The following RB1CC1 variants were observed in gnomAD, a reference collection of about 807,000 sequenced individuals.
RB1CC1 encodes the protein RB1-inducible coiled-coil protein 1.
A neutral mutation model predicts 177.5 loss-of-function variants in RB1CC1; 46 were observed. The ratio of observed to expected loss-of-function variants is 0.26; its 90% CI spans 0.20 to 0.33. The LOEUF (loss-of-function observed/expected upper bound fraction) is 0.33. RB1CC1 is among the 10% of genes least tolerant of loss of function. The probability of loss-of-function intolerance (pLI) is 1.00; values close to 1 mark genes in which losing one functional copy is unlikely to be tolerated. For missense variants in RB1CC1, 1,703 were observed against 1,816.3 expected, an observed-to-expected ratio of 0.94 and a Z score of 1.13; for synonymous variants, 666 against 613.6, an observed-to-expected ratio of 1.09 and a Z score of -1.26.
intron 1 of RB1CC1, among the ~76,000 whole-genome samples, chr8:52,694,891 T>C (rs1381026596): frequency 6.6e-6 from 1 of 152,194 alleles, no homozygotes; most frequent in Non-Finnish European, 1.5e-5. Flanking sequence ...CTGCCACCCA[T>C]CATTTAATTC....
At chr8:52,662,796 T>TC (rs1346392989) in intron 8 of RB1CC1, among the ~76,000 whole-genome samples, 4 of 152,072 alleles carry the variant, frequency 2.6e-5, no homozygotes, top group Admixed American at 6.5e-5. Context: ...GCCTTTTTTT[T>TC]CCCTTTCAAT....
intron 12 of RB1CC1, 112 bp from the exon 13 acceptor site, chr8:52,659,088 G>A: frequency 2.0e-6 from 1 of 491,092 alleles, no homozygotes. Flanking sequence ...AAACTAAAGT[G>A]CTTTAAATGA....
At chr8:52,696,365 T>C (rs889109715) in intron 1 of RB1CC1, among the ~76,000 whole-genome samples, 5 of 152,156 alleles carry the variant, frequency 3.3e-5, no homozygotes, top group African/African-American at 4.8e-5. Flanking sequence ...AGAAAGAACC[T>C]TTGGAGAAGT....
chr8:52,669,027 T>C (rs955743110), intron 7 of RB1CC1, among the ~76,000 whole-genome samples: 4 of 152,228 alleles, frequency 2.6e-5, no homozygotes, highest in African/African-American at 7.2e-5. Context: ...CAGCATTAAG[T>C]ATAACTTTTC....
intron 1 of RB1CC1, among the ~76,000 whole-genome samples, chr8:52,687,949 A>C (rs575990428): frequency 6.6e-6 from 1 of 152,260 alleles, no homozygotes; most frequent in Non-Finnish European, 1.5e-5. Context: ...CAGAGCGACC[A>C]GCTGGAGCCA....
chr8:52,648,573 T>G (rs1444284377), intron 15 of RB1CC1, among the ~76,000 whole-genome samples: 1 of 152,122 alleles, frequency 6.6e-6, no homozygotes, highest in Admixed American at 6.5e-5. Flanking sequence ...GTTAGAAAAA[T>G]ACAGTAGTCC....
At chr8:52,638,261 T>G (rs1022236609) in intron 18 of RB1CC1, among the ~76,000 whole-genome samples, 1 of 152,228 alleles carries the variant, frequency 6.6e-6, no homozygotes, top group African/African-American at 2.4e-5. Context: ...TGTCCTTTCA[T>G]TCTACTGATA....
At chr8:52,696,898 G>A (rs965830055) in intron 1 of RB1CC1, among the ~76,000 whole-genome samples, 10 of 152,122 alleles carry the variant, frequency 6.6e-5, no homozygotes, top group African/African-American at 2.4e-4. Context: ...AGCTACTTGC[G>A]GGGCTGAGGT....
At chr8:52,624,842 G>A in intron 22 of RB1CC1, 55 bp from the exon 23 acceptor site, 1 of 1,263,908 alleles carries the variant, frequency 7.9e-7, no homozygotes, top group Non-Finnish European at 1.1e-6. Flanking sequence ...AATTATTCAT[G>A]GAAACATAAC....
At chr8:52,655,770 A>G (rs892441198) in intron 15 of RB1CC1, among the ~76,000 whole-genome samples, 2 of 152,276 alleles carry the variant, frequency 1.3e-5, no homozygotes, top group African/African-American at 4.8e-5. Flanking sequence ...CAAACTTTCA[A>G]CAAAAAATTT....
intron 1 of RB1CC1, among the ~76,000 whole-genome samples, chr8:52,711,912 A>C (rs1215647504): frequency 6.6e-6 from 1 of 151,920 alleles, no homozygotes; most frequent in Non-Finnish European, 1.5e-5. Context: ...TACACCCCTT[A>C]CTTCTCTTGG....
At chr8:52,631,934 A>C (rs953964201) in intron 20 of RB1CC1, among the ~76,000 whole-genome samples, 2 of 152,226 alleles carry the variant, frequency 1.3e-5, no homozygotes, top group African/African-American at 4.8e-5. Context: ...GTGGGAGCAT[A>C]AAGTTCTGAA....
At chr8:52,670,511 C>A (rs376016958) in intron 7 of RB1CC1, among the ~76,000 whole-genome samples, 1 of 152,234 alleles carries the variant, frequency 6.6e-6, no homozygotes, top group African/African-American at 2.4e-5. Flanking sequence ...TTTAAACCCA[C>A]TCCCCTGCAT....
At chr8:52,652,084 A>G (rs1850640709) in intron 15 of RB1CC1, among the ~76,000 whole-genome samples, 1 of 152,176 alleles carries the variant, frequency 6.6e-6, no homozygotes, top group South Asian at 2.1e-4. Context: ...TTTTTTTCAT[A>G]TACTTCAATC....
In RB1CC1 at chr8:52,707,264, C is replaced by A. The variant is rs56827673; in HGVS notation, c.-167+6811G>T. On this transcript the variant is annotated intron_variant, in intron 1 of 23. Coordinates refer to ENST00000025008, the MANE Select transcript of RB1CC1 (RefSeq NM_014781.5). ...AGTTTAGAGCTAGCAGTAACTGATG[C>A]TTCATATTTCCAGCTGGAAATCCTA... is the stretch of plus-strand genomic sequence containing the variant. Among the ~76,000 whole-genome samples, 557 of 152,266 alleles carry A rather than the reference C, an allele frequency of 3.7e-3. 4 individuals carry two copies. The highest frequency in any genetic ancestry group is 0.013 in the African/African-American group (539 of 41,550).
At chr8:52,638,757 T>G (rs1045181328) in intron 18 of RB1CC1, among the ~76,000 whole-genome samples, 1 of 152,152 alleles carries the variant, frequency 6.6e-6, no homozygotes, top group South Asian at 2.1e-4. Context: ...TCATTTTGTT[T>G]ATATATACAA....
chr8:52,709,168 T>C (rs1045175658), intron 1 of RB1CC1, among the ~76,000 whole-genome samples: 4 of 151,698 alleles, frequency 2.6e-5, no homozygotes, highest in African/African-American at 9.7e-5. Context: ...GATCATGCCA[T>C]TGCACTCCAG....
chr8:52,644,761 AT>A (rs1220693436), intron 16 of RB1CC1, among the ~76,000 whole-genome samples: 1 of 152,070 alleles, frequency 6.6e-6, no homozygotes, highest in African/African-American at 2.4e-5. Context: ...TCTGATTTAC[AT>A]TTTTTCAAAT....
chr8:52,659,072 C>T, intron 12 of RB1CC1, 96 bp from the exon 13 acceptor site: 1 of 567,508 alleles, frequency 1.8e-6, no homozygotes. Context: ...ATTTACTATA[C>T]CAAACAAACT....
Sources: allele counts gnomAD v4.1 joint callset (sites outside exome capture counted in the v4.1 genomes callset), GRCh38; gene constraint gnomAD v4.1.1; transcripts MANE v1.5; gene names NCBI Gene and HGNC (gene_info 2026-07-23, HGNC 2026-07-21).